The following ZNF804B variants were observed in gnomAD, a reference collection of about 807,000 sequenced individuals.
ZNF804B encodes zinc finger protein 804B.
Under a neutral mutation model 101.4 loss-of-function variants are expected in ZNF804B, and 80 were observed. The observed-to-expected ratio is 0.79, with a 90% CI of 0.66 to 0.95. The LOEUF (loss-of-function observed/expected upper bound fraction) is 0.95. ZNF804B is among the 40% of genes least tolerant of loss of function. The pLI, the probability that ZNF804B is intolerant of heterozygous loss-of-function variation, is 0.00. For missense variants in ZNF804B, 1,673 were observed against 1,561.9 expected (o/e 1.07, Z -1.20); for synonymous variants, 622 against 558.8 (o/e 1.11, Z -1.59).
intron 1 of ZNF804B, among the ~76,000 whole-genome samples, chr7:88,917,846 A>G (rs1792659293): frequency 6.6e-6 from 1 of 152,186 alleles, no homozygotes; most frequent in African/African-American, 2.4e-5. Flanking sequence ...ATTGAAGGAA[A>G]TCCAGAAAAG....
intron 1 of ZNF804B, among the ~76,000 whole-genome samples, chr7:88,808,333 G>T (rs993672907): frequency 6.7e-6 from 1 of 148,538 alleles, no homozygotes; most frequent in Non-Finnish European, 1.5e-5. Flanking sequence ...AGTGAGCCGA[G>T]ATTGCACCAT....
intron 1 of ZNF804B, among the ~76,000 whole-genome samples, chr7:88,837,115 A>T (rs760079623): frequency 6.6e-6 from 1 of 151,926 alleles, no homozygotes; most frequent in Non-Finnish European, 1.5e-5. Flanking sequence ...CACTTGTCCA[A>T]TTGATTGAGT....
intron 1 of ZNF804B, among the ~76,000 whole-genome samples, chr7:89,061,279 A>T (rs181174915): frequency 4.3e-4 from 65 of 152,168 alleles, no homozygotes; most frequent in Non-Finnish European, 6.9e-4. Context: ...ATAATTTTTT[A>T]AAAATGTCCA....
chr7:88,923,918 C>G (rs928125227), intron 1 of ZNF804B, among the ~76,000 whole-genome samples: 1 of 152,090 alleles, frequency 6.6e-6, no homozygotes, highest in Non-Finnish European at 1.5e-5. Flanking sequence ...TAAGCAGCCA[C>G]ATAGCATTTC....
At chr7:88,782,996 G>A (rs999800484) in intron 1 of ZNF804B, among the ~76,000 whole-genome samples, 2 of 152,074 alleles carry the variant, frequency 1.3e-5, no homozygotes, top group Non-Finnish European at 2.9e-5. Flanking sequence ...AAGGCCAAAC[G>A]TGCAAATGTC....
At chr7:89,293,494 G>A (rs1010267590) in intron 2 of ZNF804B, among the ~76,000 whole-genome samples, 1 of 152,070 alleles carries the variant, frequency 6.6e-6, no homozygotes, top group Admixed American at 6.6e-5. Flanking sequence ...CAGTAATAAT[G>A]CAGAAATGGG....
intron 1 of ZNF804B, among the ~76,000 whole-genome samples, chr7:88,838,262 TATAG>T (rs889872713): frequency 4.0e-5 from 6 of 149,466 alleles, no homozygotes; most frequent in African/African-American, 1.5e-4. Context: ...ATAGCCTCCT[TATAG>T]ATAATGGAAA....
Position 88,912,561 on chromosome 7 carries a change from G to A in ZNF804B, c.108+152477G>A, listed in dbSNP as rs75454749. Among the ~76,000 whole-genome samples the A allele has an allele frequency of 1.0e-2, 1,514 of 152,064 alleles. 29 individuals are homozygous for A. Among genetic ancestry groups the A allele is most frequent in the African/African-American group, 0.034 (1,420 of 41,506 alleles). On this transcript the variant is annotated intron_variant, in intron 1 of 3. Coordinates refer to ENST00000333190, the MANE Select transcript of ZNF804B (RefSeq NM_181646.5). ...TGAATTTCACATTTTGTCTATGTTCGTCTTGGGTAAACTTTTGTGTATAGA... is the reference window on the plus strand; with the variant it reads ...TGAATTTCACATTTTGTCTATGTTCATCTTGGGTAAACTTTTGTGTATAGA...
At chr7:88,976,848 T>G (rs1342022997) in intron 1 of ZNF804B, among the ~76,000 whole-genome samples, 1 of 151,698 alleles carries the variant, frequency 6.6e-6, no homozygotes, top group Admixed American at 6.6e-5. Flanking sequence ...TTTTTCCCAT[T>G]CACTATGATA....
chr7:88,788,078 T>C (rs62462037), intron 1 of ZNF804B, among the ~76,000 whole-genome samples: 7 of 151,850 alleles, frequency 4.6e-5, no homozygotes, highest in Non-Finnish European at 1.0e-4. Context: ...TAGGGAGGGG[T>C]AGGTTGAAGG....
At chr7:88,951,340 C>A (rs1793215455) in intron 1 of ZNF804B, among the ~76,000 whole-genome samples, 2 of 151,746 alleles carry the variant, frequency 1.3e-5, no homozygotes, top group African/African-American at 4.8e-5. Context: ...TAATATAGAA[C>A]CATTGGTCAG....
intron 2 of ZNF804B, among the ~76,000 whole-genome samples, chr7:89,305,736 ATTCT>A (rs1790551772): frequency 6.6e-6 from 1 of 151,980 alleles, no homozygotes; most frequent in South Asian, 2.1e-4. Context: ...TATTTTGTAA[ATTCT>A]TTTTTTTCCC....
chr7:89,034,528 G>T (rs927422136), intron 1 of ZNF804B, among the ~76,000 whole-genome samples: 4 of 151,996 alleles, frequency 2.6e-5, no homozygotes, highest in South Asian at 2.1e-4. Flanking sequence ...GTGTTAGTTT[G>T]GTGAGAATGA....
intron 1 of ZNF804B, among the ~76,000 whole-genome samples, chr7:88,827,404 A>G (rs896065814): frequency 2.0e-5 from 3 of 151,556 alleles, no homozygotes; most frequent in African/African-American, 7.3e-5. Context: ...GTGCAACTAT[A>G]TATGTGTCTT....
At chr7:89,187,221 G>C (rs1420033444) in intron 1 of ZNF804B, among the ~76,000 whole-genome samples, 1 of 152,072 alleles carries the variant, frequency 6.6e-6, no homozygotes, top group African/African-American at 2.4e-5. Flanking sequence ...GGTTGGAATT[G>C]ACCCCCTCAG....
intron 1 of ZNF804B, among the ~76,000 whole-genome samples, chr7:88,869,326 G>T (rs181156268): frequency 4.6e-5 from 7 of 152,052 alleles, no homozygotes; most frequent in Non-Finnish European, 1.0e-4. Context: ...TACCTACCTT[G>T]GGGCCCATCT....
At chr7:89,118,961 A>G (rs1790358245) in intron 1 of ZNF804B, among the ~76,000 whole-genome samples, 1 of 152,188 alleles carries the variant, frequency 6.6e-6, no homozygotes, top group African/African-American at 2.4e-5. Context: ...GGCGAATTCT[A>G]TTGTGCATTT....
chr7:89,297,483 CA>C (rs1215355625), intron 2 of ZNF804B, among the ~76,000 whole-genome samples: 1 of 152,040 alleles, frequency 6.6e-6, no homozygotes, highest in Non-Finnish European at 1.5e-5. Flanking sequence ...ACATAGTCCA[CA>C]GAAGCCTATG....
chr7:88,763,468 A>G (rs1400003727), intron 1 of ZNF804B, among the ~76,000 whole-genome samples: 2 of 152,140 alleles, frequency 1.3e-5, no homozygotes, highest in Non-Finnish European at 2.9e-5. Flanking sequence ...GTGTGAAAAA[A>G]TAGCATACTG....
Sources: allele counts gnomAD v4.1 joint callset (sites outside exome capture counted in the v4.1 genomes callset), GRCh38; gene constraint gnomAD v4.1.1; transcripts MANE v1.5; gene names NCBI Gene and HGNC (gene_info 2026-07-23, HGNC 2026-07-21).